FANCI: variants seen among roughly 807,000 people sequenced by gnomAD.
FANCI encodes Fanconi anemia group I protein.
Under a neutral mutation model 176.1 loss-of-function variants are expected in FANCI, and 156 were observed. The observed-to-expected ratio is 0.89, with a 90% CI of 0.78 to 1.01. FANCI has a LOEUF of 1.01. Ranked by LOEUF, FANCI falls within the 50% of genes least tolerant of loss-of-function variation. The pLI is 0.00. For missense variants in FANCI, 1,678 were observed against 1,534.1 expected, an observed-to-expected ratio of 1.09 and a Z score of -1.57; for synonymous variants, 613 against 541.7, an observed-to-expected ratio of 1.13 and a Z score of -1.83.
Position 89,261,698 on chromosome 15 carries a change from C to T in FANCI, c.402C>T (p.Leu134=), listed in dbSNP as rs1482175099. 11 of 1,614,034 alleles carry T rather than the reference C, an allele frequency of 6.8e-6. No homozygotes were observed. Among genetic ancestry groups the T allele is most frequent in the African/African-American group, 2.7e-5 (2 of 74,932 alleles). Residue 134 remains leucine (L), a synonymous_variant, in exon 5 of 38, where the codon CTC becomes CTT. Transcript: ENST00000310775. ...GKSLELLPII[L]TALATKKENL... is the part of the protein sequence containing the mutation. ...CTTTGGAGTTACTACCTATCATTCT[C>T]ACTGCCCTGGCTACGAAAAAGGAAA...
In FANCI at chr15:89,299,869, G is replaced by C; in HGVS notation, c.2706G>C (p.Lys902Asn). Residue 902 changes from lysine (K) to asparagine (N), a missense_variant, in exon 25 of 38, where the codon AAG (lysine) becomes AAC (asparagine). By Grantham distance (94) the Lys-to-Asn change is moderately conservative. Coordinates refer to ENST00000310775, the MANE Select transcript of FANCI (RefSeq NM_001113378.2). ...VEESGKKEKG[K>N]SISLLCLEGL... The stretch of plus-strand genomic sequence containing the variant: ...AGTCGGGAAAGAAAGAGAAAGGAAA[G>C]AGCATCTCACTGCTGTGCTTGGAGG... 1 of 1,614,056 alleles carries C rather than the reference G, an allele frequency of 6.2e-7. No homozygotes were observed. Among genetic ancestry groups the C allele is most frequent in the Non-Finnish European group, 8.5e-7 (1 of 1,179,964 alleles).
intron 34 of FANCI, among the ~76,000 whole-genome samples, chr15:89,308,876 G>A (rs2054836179): frequency 6.6e-6 from 1 of 151,900 alleles, no homozygotes; most frequent in African/African-American, 2.4e-5. Flanking sequence ...AACCTGGAGG[G>A]CGGAGGTTGC....
intron 24 of FANCI, among the ~76,000 whole-genome samples, chr15:89,298,279 T>TA (rs962934019): frequency 6.6e-6 from 1 of 151,574 alleles, no homozygotes; most frequent in Non-Finnish European, 1.5e-5. Context: ...CTCAGCAAAT[T>TA]AAAAAAAAGT....
At chr15:89,290,788 C>T (rs959211271) in intron 19 of FANCI, among the ~76,000 whole-genome samples, 4 of 152,060 alleles carry the variant, frequency 2.6e-5, no homozygotes, top group African/African-American at 9.7e-5. Flanking sequence ...CTTTAGACCC[C>T]TAGTCTATCA....
chr15:89,255,447 T>A (rs2052451186), intron 2 of FANCI, among the ~76,000 whole-genome samples: 1 of 152,146 alleles, frequency 6.6e-6, no homozygotes, highest in Non-Finnish European at 1.5e-5. Flanking sequence ...TGTCTCCCTA[T>A]AAATTGCTTA....
intron 32 of FANCI, among the ~76,000 whole-genome samples, chr15:89,307,209 G>C (rs747555242): frequency 3.9e-5 from 6 of 152,096 alleles, no homozygotes; most frequent in Non-Finnish European, 8.8e-5. Flanking sequence ...AAACAGCAAA[G>C]TTGTTGGTTT....
intron 20 of FANCI, 134 bp downstream of exon 20, chr15:89,291,848 G>A (rs2054082787): frequency 1.3e-6 from 1 of 740,778 alleles, no homozygotes; most frequent in Non-Finnish European, 2.4e-6. Context: ...AGTCTTCCCT[G>A]CTTATCATTT....
At chr15:89,261,101 C>A (rs1041193791) in intron 4 of FANCI, among the ~76,000 whole-genome samples, 1 of 151,628 alleles carries the variant, frequency 6.6e-6, no homozygotes, top group African/African-American at 2.4e-5. Context: ...CCATCTCTAC[C>A]AAAAATACAA....
At chr15:89,276,127 A>G (rs1012113882) in intron 12 of FANCI, among the ~76,000 whole-genome samples, 1 of 152,362 alleles carries the variant, frequency 6.6e-6, no homozygotes, top group South Asian at 2.1e-4. Context: ...CATTATTTCC[A>G]CTGTGGGGTA....
chr15:89,276,844 C>T lies in FANCI; in HGVS notation c.1246C>T (p.Gln416Ter). 6.2e-7 allele frequency: 1 copy of T among 1,614,156 alleles called. No individual in the cohort carries two copies. The highest frequency in any genetic ancestry group is 8.5e-7 in the Non-Finnish European group (1 of 1,180,022). The change falls in exon 13 of 38, where the codon CAG (glutamine) becomes TAG (stop). Residue 416 changes from glutamine to a stop codon, truncating the protein, a stop_gained. Transcript: ENST00000310775. LOFTEE classifies it high-confidence loss of function. ...TSPSLSRMPN[Q>*]HACKLGANIL... ...CCCAAGTCTTTCTAGAATGCCAAACCAGCATGCATGTAAGCTCGGAGCTAA... is the reference window on the plus strand; with the variant it reads ...CCCAAGTCTTTCTAGAATGCCAAACTAGCATGCATGTAAGCTCGGAGCTAA...
chr15:89,308,003 A>G, intron 34 of FANCI: 1 of 1,229,012 alleles, frequency 8.1e-7, no homozygotes, highest in Admixed American at 3.6e-5. Context: ...TGGGAATGTG[A>G]GCAGAGTAGC....
intron 22 of FANCI, among the ~76,000 whole-genome samples, chr15:89,293,300 C>A (rs1480975692): frequency 6.6e-6 from 1 of 152,090 alleles, no homozygotes; most frequent in African/African-American, 2.4e-5. Flanking sequence ...TCAGAATTTC[C>A]CAGACCCTGA....
chr15:89,280,594 C>A lies in FANCI; in HGVS notation c.1382-576C>A, dbSNP rs145022038. Among the ~76,000 whole-genome samples, 397 of 152,166 alleles carry A rather than the reference C, an allele frequency of 2.6e-3. 7 individuals are homozygous for A. Among genetic ancestry groups the A allele is most frequent in the East Asian group, 0.015 (75 of 5,172 alleles). ...TAAGTTCCTTCTCCTCATTGCTTTCCTAATATATACCAACTCATAATGAGC... is the reference window on the plus strand; with the variant it reads ...TAAGTTCCTTCTCCTCATTGCTTTCATAATATATACCAACTCATAATGAGC... On this transcript the variant is annotated intron_variant, in intron 14 of 37. Transcript: ENST00000310775.
chr15:89,305,046 G>C, intron 28 of FANCI, 69 bp from the exon 29 acceptor site: 1 of 1,593,128 alleles, frequency 6.3e-7, no homozygotes, highest in East Asian at 2.3e-5. Flanking sequence ...AAAGTGCTGG[G>C]ATTACAGGCG....
At chr15:89,312,240 A>G (rs932315843) in intron 34 of FANCI, among the ~76,000 whole-genome samples, 14 of 152,178 alleles carry the variant, frequency 9.2e-5, no homozygotes, top group Admixed American at 7.2e-4. Context: ...TAAAATAGAA[A>G]TAGAAATGAA....
chr15:89,314,508 C>T (rs2152014814), intron 35 of FANCI, 104 bp from the exon 36 acceptor site: 2 of 853,320 alleles, frequency 2.3e-6, no homozygotes, highest in South Asian at 1.4e-5. Flanking sequence ...GGGAGACAGA[C>T]TAGTTTTCCC....
chr15:89,301,302 G>C (rs374925474), intron 26 of FANCI, 24 bp from the exon 27 acceptor site: 2 of 1,488,734 alleles, frequency 1.3e-6, no homozygotes, highest in Non-Finnish European at 1.9e-6. Flanking sequence ...AACATTGCTT[G>C]CTGTGTGTGC....
intron 32 of FANCI, among the ~76,000 whole-genome samples, chr15:89,306,877 T>G (rs1007240419): frequency 6.6e-6 from 1 of 152,200 alleles, no homozygotes; most frequent in Non-Finnish European, 1.5e-5. Flanking sequence ...CTAACCAGTC[T>G]GGACACTTAA....
chr15:89,258,160 A>T (rs12898357), intron 2 of FANCI, among the ~76,000 whole-genome samples: 1 of 151,766 alleles, frequency 6.6e-6, no homozygotes, highest in East Asian at 1.9e-4. Context: ...TTCCATCTGG[A>T]ATATCCTTCT....
Sources: gnomAD v4.1 joint callset for allele counts (sites outside exome capture counted in the v4.1 genomes callset) on GRCh38, gnomAD v4.1.1 for gene constraint, MANE v1.5 for transcripts, NCBI Gene and HGNC (gene_info 2026-07-23, HGNC 2026-07-21) for gene names.